Variants in KCNIP4 observed in about 807,000 individuals in gnomAD.
The protein encoded by KCNIP4 is potassium voltage-gated channel interacting protein 4.
Under a neutral mutation model 34.0 loss-of-function variants are expected in KCNIP4, and 12 were observed. The ratio of observed to expected loss-of-function variants is 0.35; its 90% confidence interval spans 0.23 to 0.57. The LOEUF is 0.57. Among genes scored for constraint, KCNIP4 ranks in the 20% least tolerant of loss-of-function variants. KCNIP4 has a pLI of 0.83. For missense variants in KCNIP4, 238 were observed against 311.7 expected, an observed-to-expected ratio of 0.76 and a Z score of 1.78; for synonymous variants, 124 against 102.2, an observed-to-expected ratio of 1.21 and a Z score of -1.29.
At chr4:20,972,861 T>C (rs2149679652) in intron 1 of KCNIP4, among the ~76,000 whole-genome samples, 1 of 152,296 alleles carries the variant, frequency 6.6e-6, no homozygotes, top group East Asian at 1.9e-4. Flanking sequence ...GCAAATGTGA[T>C]GGAAATAGCA....
chr4:21,446,228 G>T (rs1727976175), intron 1 of KCNIP4, among the ~76,000 whole-genome samples: 1 of 152,054 alleles, frequency 6.6e-6, no homozygotes, highest in African/African-American at 2.4e-5. Context: ...ATTCCTCAGG[G>T]ATCTAGAACT....
intron 1 of KCNIP4, among the ~76,000 whole-genome samples, chr4:21,591,385 A>C (rs1742206619): frequency 2.6e-5 from 4 of 152,012 alleles, no homozygotes; most frequent in Admixed American, 1.3e-4. Context: ...AACAAAAGCC[A>C]CTGGCTATCC....
intron 3 of KCNIP4, among the ~76,000 whole-genome samples, chr4:20,787,467 T>C (rs1712159754): frequency 1.3e-5 from 2 of 152,162 alleles, no homozygotes; most frequent in African/African-American, 4.8e-5. Context: ...TAGAGGTTTT[T>C]TCTCCTCCTC....
rs577031084 is a variant in KCNIP4 at position 21,519,458 on chromosome 4, A to G, written c.61+429113T>C. Among the ~76,000 whole-genome samples, 3 of 67,584 alleles carry G rather than the reference A, an allele frequency of 4.4e-5. 1 individual carries two copies. In the South Asian group the frequency reaches 1.2e-3, roughly 28 times the overall value. 44.3% of individuals were successfully genotyped at this position (67,584 alleles called of 152,430 possible). A position where few individuals can be genotyped will look rare whatever the true frequency, so the allele number is the denominator to read the frequency against. On this transcript the variant is annotated intron_variant, in intron 1 of 8. Coordinates refer to ENST00000382152, the MANE Select transcript of KCNIP4 (RefSeq NM_025221.6). ...TGTGTATATGTATGTGTATATACAC[A>G]TATGTGTGTATGTGTATGTGTATAT...
At chr4:20,789,389 G>C (rs1712436213) in intron 3 of KCNIP4, among the ~76,000 whole-genome samples, 1 of 152,042 alleles carries the variant, frequency 6.6e-6, no homozygotes, top group South Asian at 2.1e-4. Flanking sequence ...AAAAAAGAAA[G>C]ATACTCCAGG....
intron 1 of KCNIP4, among the ~76,000 whole-genome samples, chr4:21,091,936 A>G (rs1185448540): frequency 6.6e-6 from 1 of 152,166 alleles, no homozygotes; most frequent in Non-Finnish European, 1.5e-5. Flanking sequence ...AGACCATGAA[A>G]AATAACAATT....
chr4:20,957,068 A>G (rs1294341086), intron 1 of KCNIP4, among the ~76,000 whole-genome samples: 2 of 152,228 alleles, frequency 1.3e-5, no homozygotes, highest in Non-Finnish European at 2.9e-5. Flanking sequence ...GAAAAAGTGG[A>G]AGAAAAGAAA....
chr4:21,551,785 G>A (rs534380207), intron 1 of KCNIP4, among the ~76,000 whole-genome samples: 227 of 152,000 alleles, frequency 1.5e-3, no homozygotes, highest in African/African-American at 4.2e-3. Flanking sequence ...TCCCCTAACC[G>A]CACTATACTA....
chr4:21,678,317 T>TTTTG (rs1750072562), intron 1 of KCNIP4, among the ~76,000 whole-genome samples: 1 of 149,952 alleles, frequency 6.7e-6, no homozygotes, highest in Non-Finnish European at 1.5e-5. Flanking sequence ...TTTTTTTTTT[T>TTTTG]TTTTTTGGTT....
chr4:21,912,973 G>C (rs1416407006), intron 1 of KCNIP4, among the ~76,000 whole-genome samples: 1 of 151,940 alleles, frequency 6.6e-6, no homozygotes, highest in African/African-American at 2.4e-5. Context: ...AAGAAGACAG[G>C]AGTGGGGGCT....
intron 1 of KCNIP4, among the ~76,000 whole-genome samples, chr4:21,022,864 C>T (rs564809965): frequency 2.0e-5 from 3 of 152,064 alleles, no homozygotes; most frequent in South Asian, 2.1e-4. Flanking sequence ...CTTGCTTTTT[C>T]GCCCAGTCTG....
At chr4:21,598,585 G>C (rs981421330) in intron 1 of KCNIP4, among the ~76,000 whole-genome samples, 1 of 152,048 alleles carries the variant, frequency 6.6e-6, no homozygotes, top group Non-Finnish European at 1.5e-5. Flanking sequence ...ATGATGGTGA[G>C]AAAGTCAACT....
rs560311956 is a variant in KCNIP4, at chr4:21,117,833, G to A, written c.62-235124C>T. The stretch of plus-strand genomic sequence containing the variant: ...GGAGCCTCAGCGCTACAGGCAATTA[G>A]CACTCAGAGTAGGCAATGGGAGCTT... On this transcript the variant is annotated intron_variant, in intron 1 of 8. Coordinates refer to ENST00000382152, the MANE Select transcript of KCNIP4 (RefSeq NM_025221.6). 4.6e-5 allele frequency among the ~76,000 whole-genome samples: 7 copies of A among 152,192 alleles called. No homozygotes were observed. The South Asian group carries it at 8.3e-4, about 18-fold the overall frequency.
At chr4:21,574,091 T>A (rs192479707) in intron 1 of KCNIP4, among the ~76,000 whole-genome samples, 1 of 152,192 alleles carries the variant, frequency 6.6e-6, no homozygotes, top group East Asian at 1.9e-4. Flanking sequence ...AGGAGAAAAA[T>A]TCTAACGACT....
intron 1 of KCNIP4, among the ~76,000 whole-genome samples, chr4:21,545,072 A>G (rs2109005773): frequency 1.3e-5 from 2 of 152,260 alleles, no homozygotes; most frequent in Middle Eastern, 6.8e-3. Context: ...AAAACCCACC[A>G]AAAGCAAGAT....
chr4:21,743,536 C>A (rs1384008254), intron 1 of KCNIP4, among the ~76,000 whole-genome samples: 2 of 151,396 alleles, frequency 1.3e-5, no homozygotes, highest in African/African-American at 2.4e-5. Flanking sequence ...GTAATATATT[C>A]ATAGGATCCA....
intron 1 of KCNIP4, among the ~76,000 whole-genome samples, chr4:20,945,103 C>T (rs1470392646): frequency 2.6e-5 from 4 of 152,270 alleles, no homozygotes; most frequent in East Asian, 3.9e-4. Flanking sequence ...TCTCACTCTC[C>T]AGAGTGTGGT....
At chr4:21,906,361 C>T (rs1728001362) in intron 1 of KCNIP4, among the ~76,000 whole-genome samples, 1 of 152,124 alleles carries the variant, frequency 6.6e-6, no homozygotes, top group African/African-American at 2.4e-5. Flanking sequence ...ATTAGACACA[C>T]TCAGAGGAGG....
At chr4:21,287,076 T>G (rs991653743) in intron 1 of KCNIP4, among the ~76,000 whole-genome samples, 4 of 152,156 alleles carry the variant, frequency 2.6e-5, no homozygotes, top group African/African-American at 9.7e-5. Flanking sequence ...TTTATGACCA[T>G]AGAGTCCTCT....
Sources: allele counts gnomAD v4.1 joint callset (sites outside exome capture counted in the v4.1 genomes callset), GRCh38; gene constraint gnomAD v4.1.1; transcripts MANE v1.5; gene names NCBI Gene and HGNC (gene_info 2026-07-23, HGNC 2026-07-21).